ZC3H11A: variants seen among roughly 807,000 people sequenced by gnomAD.
ZC3H11A encodes the protein zinc finger CCCH domain-containing protein 11A.
In ZC3H11A, 22 loss-of-function variants were observed where a neutral mutation model predicts 90.8. The ratio of observed to expected loss-of-function variants is 0.24; its 90% CI spans 0.17 to 0.35. The LOEUF (loss-of-function observed/expected upper bound fraction) is 0.35, where lower values mean the gene tolerates loss of function less well. Ranked by LOEUF, ZC3H11A falls within the 10% of genes least tolerant of loss-of-function variation. The pLI is 1.00. For synonymous variants in ZC3H11A, 294 were observed against 339.8 expected (o/e 0.87, Z 1.48); for missense variants, 701 against 964.9 (o/e 0.73, Z 3.62).
chr1:203,851,703 C>G (rs557991684), intron 17 of ZC3H11A, among the ~76,000 whole-genome samples: 24 of 135,392 alleles, frequency 1.8e-4, no homozygotes, highest in Non-Finnish European at 3.1e-4. Flanking sequence ...CGGCTTATGC[C>G]TGTAATCCCA....
intron 2 of ZC3H11A, chr1:203,805,819 C>T: frequency 1.1e-6 from 1 of 874,126 alleles, no homozygotes; most frequent in Non-Finnish European, 1.9e-6. Flanking sequence ...GCCGCCATAA[C>T]TGCGACTCAG....
intron 2 of ZC3H11A, among the ~76,000 whole-genome samples, chr1:203,812,101 G>A (rs1431338382): frequency 6.6e-6 from 1 of 152,170 alleles, no homozygotes; most frequent in East Asian, 1.9e-4. Flanking sequence ...ACATGTATGA[G>A]TCACCACACT....
At chr1:203,818,780 T>A (rs1000116729) in intron 4 of ZC3H11A, 91 bp downstream of exon 4, 1 of 1,586,538 alleles carries the variant, frequency 6.3e-7, no homozygotes, top group Non-Finnish European at 8.6e-7. Flanking sequence ...TTTTAAAAAA[T>A]ATATTAAGGC....
At position 203,799,858 on chromosome 1, in the gene ZC3H11A, A is replaced by G. The variant is rs548194414; in HGVS notation, c.-1587-1717A>G. ...GATCCTTGCTTTAAAAACAGTTTGGAAGACTTTTTTCCTCAAGGTGCTGAT... is the reference window on the plus strand; with the variant it reads ...GATCCTTGCTTTAAAAACAGTTTGGGAGACTTTTTTCCTCAAGGTGCTGAT... On this transcript the variant is annotated intron_variant, in intron 1 of 17. Transcript: ENST00000367210. 4 of 1,534,382 alleles carry G rather than the reference A, an allele frequency of 2.6e-6. No individual in the cohort carries two copies. The East Asian group carries it at 9.8e-5, about 38-fold the overall frequency.
chr1:203,834,446 A>AT (rs1683539708), intron 10 of ZC3H11A, among the ~76,000 whole-genome samples: 1 of 151,456 alleles, frequency 6.6e-6, no homozygotes, highest in South Asian at 2.1e-4. Flanking sequence ...TAATTTTTGT[A>AT]TTTTTTATAG....
At chr1:203,841,380 G>A (rs1459937851) in intron 12 of ZC3H11A, among the ~76,000 whole-genome samples, 1 of 152,082 alleles carries the variant, frequency 6.6e-6, no homozygotes, top group Non-Finnish European at 1.5e-5. Flanking sequence ...CTGCCTTCAA[G>A]CATCTGTTTA....
At chr1:203,800,243 T>A in intron 1 of ZC3H11A, 1 of 1,216,964 alleles carries the variant, frequency 8.2e-7, no homozygotes, top group Non-Finnish European at 1.2e-6. Context: ...AGTATCTAAG[T>A]TGCCCCATGT....
At chr1:203,850,361 C>A in intron 15 of ZC3H11A, 154 bp from the exon 16 acceptor site, 1 of 1,153,382 alleles carries the variant, frequency 8.7e-7, no homozygotes, top group South Asian at 1.3e-5. Context: ...ACCATGTGAC[C>A]ACAAATTGCC....
At chr1:203,820,062 C>T (rs1410380759) in intron 4 of ZC3H11A, among the ~76,000 whole-genome samples, 3 of 151,280 alleles carry the variant, frequency 2.0e-5, no homozygotes, top group African/African-American at 7.3e-5. Context: ...TGGTGAAAGC[C>T]CATCTCTACT....
At chr1:203,851,884 G>A (rs1213681477) in intron 17 of ZC3H11A, among the ~76,000 whole-genome samples, 2 of 145,316 alleles carry the variant, frequency 1.4e-5, no homozygotes, top group Non-Finnish European at 3.0e-5. Context: ...CAAAATGATC[G>A]CTTGAGCCCA....
intron 11 of ZC3H11A, among the ~76,000 whole-genome samples, chr1:203,838,796 C>CA (rs1167362276): frequency 6.6e-6 from 1 of 151,480 alleles, no homozygotes; most frequent in Non-Finnish European, 1.5e-5. Context: ...ACTAAAAATA[C>CA]AAAAAAATTA....
intron 9 of ZC3H11A, among the ~76,000 whole-genome samples, chr1:203,832,242 G>C (rs1354263763): frequency 6.6e-6 from 1 of 152,044 alleles, no homozygotes; most frequent in Non-Finnish European, 1.5e-5. Flanking sequence ...TGTATTTTTA[G>C]TAGAGACGGG....
At chr1:203,837,865 A>G (rs1684869453) in intron 10 of ZC3H11A, 101 bp from the exon 11 acceptor site, 3 of 1,086,002 alleles carry the variant, frequency 2.8e-6, no homozygotes. Context: ...TGTATGCAGA[A>G]CACTTAACAG....
At chr1:203,806,949 T>G (rs1672602359) in intron 2 of ZC3H11A, among the ~76,000 whole-genome samples, 1 of 151,506 alleles carries the variant, frequency 6.6e-6, no homozygotes, top group African/African-American at 2.4e-5. Context: ...ATTTTTTTTG[T>G]TTTTTACCCC....
chr1:203,851,150 C>A (rs1689153706), intron 17 of ZC3H11A, 26 bp downstream of exon 17: 1 of 1,609,026 alleles, frequency 6.2e-7, no homozygotes, highest in South Asian at 1.1e-5. Context: ...TCTTTCTAAA[C>A]AAACTCCAGG....
intron 2 of ZC3H11A, among the ~76,000 whole-genome samples, chr1:203,812,784 G>A (rs1674965965): frequency 6.6e-6 from 1 of 151,972 alleles, no homozygotes; most frequent in Non-Finnish European, 1.5e-5. Context: ...GTCTCACCAT[G>A]TTTGCCAAGC....
chr1:203,846,533 T>C (rs1572352829), intron 12 of ZC3H11A, among the ~76,000 whole-genome samples: 1 of 152,218 alleles, frequency 6.6e-6, no homozygotes, highest in East Asian at 1.9e-4. Context: ...TCAAAGCAGT[T>C]ATCATTACCA....
Position 203,817,100 on chromosome 1 carries a change from T to C in ZC3H11A, c.30T>C (p.Phe10=), listed in dbSNP as rs769812166. The part of the protein sequence containing the change: MPNQGEDCY[F]FFYSTCTKGD... ...CTAATCAAGGAGAAGACTGCTATTT[T>C]TTTTTCTATTCCACATGTACCAAAG... is the stretch of plus-strand genomic sequence containing the variant. The change falls in exon 3 of 18, where the codon TTT becomes TTC. Residue 10 remains phenylalanine (F), a synonymous_variant. Coordinates refer to ENST00000367210, the MANE Select transcript of ZC3H11A (RefSeq NM_001376342.1). The C allele has an allele frequency of 2.3e-5, 37 of 1,610,034 alleles. No individual in the cohort carries two copies. The Admixed American group carries it at 2.7e-4, about 12-fold the overall frequency.
At chr1:203,797,578 G>C (rs777164103) in intron 1 of ZC3H11A, 2 of 1,533,094 alleles carry the variant, frequency 1.3e-6, no homozygotes, top group African/African-American at 2.7e-5. Flanking sequence ...GGCAGAAGAT[G>C]CAACACTTTT....
Sources: gnomAD v4.1 joint callset for allele counts (sites outside exome capture counted in the v4.1 genomes callset) on GRCh38, gnomAD v4.1.1 for gene constraint, MANE v1.5 for transcripts, NCBI Gene and HGNC (gene_info 2026-07-23, HGNC 2026-07-21) for gene names.